The following TRDN variants were observed in gnomAD, a reference collection of about 807,000 sequenced individuals.
The protein encoded by TRDN is triadin.
In TRDN, 161 loss-of-function variants were observed where a neutral mutation model predicts 149.7. That is an observed-to-expected ratio of 1.08 (90% CI 0.95 to 1.23). The LOEUF (loss-of-function observed/expected upper bound fraction) is 1.23, where lower values mean the gene tolerates loss of function less well. Among genes scored for constraint, TRDN ranks in the 50% most tolerant of loss-of-function variants. The pLI is 0.00. For synonymous variants in TRDN, 294 were observed against 250.5 expected, an observed-to-expected ratio of 1.17 and a Z score of -1.64; for missense variants, 896 against 823.5, an observed-to-expected ratio of 1.09 and a Z score of -1.08.
chr6:123,462,246 G>C (rs1364669604), intron 10 of TRDN: 1 of 152,150 alleles, frequency 6.6e-6, no homozygotes, highest in African/African-American at 2.4e-5. Context: ...CATTATGGCA[G>C]ACAAAGCACG....
chr6:123,230,100 G>A (rs1321434952), intron 38 of TRDN, among the ~76,000 whole-genome samples: 1 of 151,676 alleles, frequency 6.6e-6, no homozygotes. Flanking sequence ...TGTTTACAGC[G>A]GCACTATTCA....
intron 21 of TRDN, among the ~76,000 whole-genome samples, chr6:123,347,408 T>C (rs1562271937): frequency 6.6e-6 from 1 of 152,088 alleles, no homozygotes; most frequent in East Asian, 1.9e-4. Flanking sequence ...GGGCATACTT[T>C]CTATATCCTG....
intron 1 of TRDN, among the ~76,000 whole-genome samples, chr6:123,587,619 G>C (rs576694831): frequency 3.9e-5 from 6 of 152,090 alleles, no homozygotes; most frequent in Non-Finnish European, 4.4e-5. Flanking sequence ...ATGTGCGTCC[G>C]TGTGAAGAGA....
intron 1 of TRDN, among the ~76,000 whole-genome samples, chr6:123,598,627 A>C (rs1262775525): frequency 1.3e-5 from 2 of 152,054 alleles, no homozygotes; most frequent in Non-Finnish European, 2.9e-5. Context: ...TGCAGGACTC[A>C]AGTTTATTGG....
chr6:123,497,410 A>G (rs1341046908), intron 8 of TRDN, among the ~76,000 whole-genome samples, 158 bp from the exon 9 acceptor site: 2 of 152,164 alleles, frequency 1.3e-5, no homozygotes, highest in East Asian at 3.9e-4. Flanking sequence ...ATATGAAAAT[A>G]CAGAAGGAAA....
At chr6:123,577,214 G>A (rs1485057003) in intron 1 of TRDN, among the ~76,000 whole-genome samples, 1 of 151,942 alleles carries the variant, frequency 6.6e-6, no homozygotes, top group Non-Finnish European at 1.5e-5. Context: ...TTTCACGGGG[G>A]TTTGTTGTAC....
chr6:123,337,436 G>A (rs1308970281), intron 22 of TRDN, among the ~76,000 whole-genome samples, 183 bp downstream of exon 22: 1 of 151,346 alleles, frequency 6.6e-6, no homozygotes, highest in South Asian at 2.1e-4. Flanking sequence ...GCACTTTCTT[G>A]GTAATAATGA....
chr6:123,499,016 A>G (rs930970978), intron 8 of TRDN, among the ~76,000 whole-genome samples: 2 of 152,198 alleles, frequency 1.3e-5, no homozygotes, highest in African/African-American at 4.8e-5. Flanking sequence ...GACCCTAGGA[A>G]TATGCATTTT....
intron 1 of TRDN, among the ~76,000 whole-genome samples, chr6:123,578,992 A>G (rs1481215978): frequency 6.6e-6 from 1 of 152,118 alleles, no homozygotes; most frequent in Non-Finnish European, 1.5e-5. Context: ...ATTTTTGTAC[A>G]TTACTTTGTA....
At chr6:123,353,003 C>G (rs1239263213) in intron 20 of TRDN, among the ~76,000 whole-genome samples, 1 of 151,818 alleles carries the variant, frequency 6.6e-6, no homozygotes, top group Non-Finnish European at 1.5e-5. Context: ...ATAGTGTAGT[C>G]ATGCCTGAGA....
intron 5 of TRDN, among the ~76,000 whole-genome samples, chr6:123,526,702 T>G (rs1282303406): frequency 6.6e-6 from 1 of 152,024 alleles, no homozygotes; most frequent in East Asian, 1.9e-4. Context: ...CAATATTAAA[T>G]TTTTAAGAAG....
intron 24 of TRDN, among the ~76,000 whole-genome samples, chr6:123,280,044 G>A (rs1291151662): frequency 6.6e-6 from 1 of 152,130 alleles, no homozygotes; most frequent in Non-Finnish European, 1.5e-5. Context: ...GATGTACCCT[G>A]TGATTGCTTC....
At chr6:123,227,809 G>T (rs545481163) in intron 38 of TRDN, among the ~76,000 whole-genome samples, 2 of 151,772 alleles carry the variant, frequency 1.3e-5, no homozygotes, top group South Asian at 2.1e-4. Context: ...GTGCAATGAC[G>T]CCATCCTGGC....
chr6:123,221,016 G>T (rs1775125932), intron 40 of TRDN, among the ~76,000 whole-genome samples: 1 of 151,764 alleles, frequency 6.6e-6, no homozygotes, highest in Admixed American at 6.6e-5. Flanking sequence ...TGATCCCAAA[G>T]TTTGAATATT....
chr6:123,612,143 C>A (rs1784847422), intron 1 of TRDN, among the ~76,000 whole-genome samples: 1 of 150,334 alleles, frequency 6.7e-6, no homozygotes, highest in South Asian at 2.1e-4. Flanking sequence ...GTAATCCCAG[C>A]ACTTTGGGAG....
chr6:123,493,254 C>G (rs1298598817), intron 9 of TRDN, among the ~76,000 whole-genome samples: 2 of 151,924 alleles, frequency 1.3e-5, no homozygotes, highest in African/African-American at 2.4e-5. Context: ...AATTTTGATT[C>G]AATACAACCA....
intron 16 of TRDN, 25 bp downstream of exon 16, chr6:123,381,345 A>T: frequency 6.5e-7 from 1 of 1,550,060 alleles, no homozygotes. Context: ...AAAAGTACAC[A>T]AATACACTGC....
chr6:123,375,343 T>C (rs1171005170), intron 19 of TRDN, among the ~76,000 whole-genome samples: 1 of 152,056 alleles, frequency 6.6e-6, no homozygotes, highest in African/African-American at 2.4e-5. Flanking sequence ...TACTGCAAAA[T>C]GAGAAATAAA....
rs1394064564 is a variant in TRDN, at chr6:123,273,010, T to C, written c.1626A>G (p.Lys542=). The C allele has an allele frequency of 3.3e-6, 5 of 1,501,122 alleles. No individual in the cohort carries two copies. Among genetic ancestry groups the C allele is most frequent in the Middle Eastern group, 1.7e-4 (1 of 5,786 alleles). The allele number at this position is 1,501,122 out of a possible 1,614,324, so 93.0% of individuals were successfully genotyped here. A position where few individuals can be genotyped will look rare whatever the true frequency, so the allele number is the denominator to read the frequency against. ...TCTTTTCTGGTTTCACTATGTCTTG[T>C]TCTGAAAATAATAAAAAGAAAATCT... ...PAISEKVQIH[K]QDIVKPEKTV... is the part of the protein sequence containing the mutation. The change falls in exon 29 of 41, where the codon AAA becomes AAG. Residue 542 remains lysine, a splice_region_variant and synonymous_variant. Coordinates refer to ENST00000334268, the MANE Select transcript of TRDN (RefSeq NM_006073.4).
Sources: allele counts gnomAD v4.1 joint callset (sites outside exome capture counted in the v4.1 genomes callset), GRCh38; gene constraint gnomAD v4.1.1; transcripts MANE v1.5; gene names NCBI Gene and HGNC (gene_info 2026-07-23, HGNC 2026-07-21).